The following TULP4 variants were observed in gnomAD, a reference collection of about 807,000 sequenced individuals.
TULP4 encodes TUB like protein 4.
In TULP4, 16 loss-of-function variants were observed where a neutral mutation model predicts 129.0. That is an observed-to-expected ratio of 0.12 (90% confidence interval 0.08 to 0.19). TULP4 has a LOEUF of 0.19. Ranked by LOEUF, TULP4 falls within the 10% of genes least tolerant of loss-of-function variation. The pLI, the probability that TULP4 is intolerant of heterozygous loss-of-function variation, is 1.00. For missense variants in TULP4, 1,842 were observed against 2,059.1 expected, an observed-to-expected ratio of 0.89 and a Z score of 2.04; for synonymous variants, 998 against 854.0, an observed-to-expected ratio of 1.17 and a Z score of -2.94.
intron 1 of TULP4, among the ~76,000 whole-genome samples, chr6:158,374,642 TTTA>T (rs1777146198): frequency 6.6e-6 from 1 of 152,186 alleles, no homozygotes; most frequent in Non-Finnish European, 1.5e-5. Context: ...GACAAAGCTG[TTTA>T]TAAGAGCAGT....
chr6:158,357,633 A>G (rs1426554180), intron 1 of TULP4, among the ~76,000 whole-genome samples: 2 of 152,222 alleles, frequency 1.3e-5, no homozygotes, highest in African/African-American at 4.8e-5. Context: ...ATACCCAGAA[A>G]GGGAATCGTC....
At chr6:158,241,878 C>T (rs1562491779) in intron 1 of TULP4, 6 of 705,038 alleles carry the variant, frequency 8.5e-6, no homozygotes, top group African/African-American at 3.5e-5. Context: ...CAGGCATGAG[C>T]CACCGCGCCA....
intron 1 of TULP4, among the ~76,000 whole-genome samples, chr6:158,291,182 CTTCT>C (rs1338680666): frequency 6.6e-6 from 1 of 152,130 alleles, no homozygotes; most frequent in Admixed American, 6.5e-5. Flanking sequence ...TTAGACCTTC[CTTCT>C]GAGACATTTT....
intron 3 of TULP4, among the ~76,000 whole-genome samples, chr6:158,442,997 T>G (rs1310112045): frequency 6.6e-6 from 1 of 151,748 alleles, no homozygotes; most frequent in Admixed American, 6.6e-5. Context: ...TGTTTGTTTG[T>G]TTTTTGAGAT....
chr6:158,280,361 T>C (rs1362933705), upstream of TULP4, among the ~76,000 whole-genome samples: 1 of 152,244 alleles, frequency 6.6e-6, no homozygotes. Flanking sequence ...TTTTCCTCCC[T>C]GGTTATTTAA....
rs146958708 is a variant in TULP4 at position 158,448,026 on chromosome 6, C to T, written c.544-970C>T. On this transcript the variant is annotated intron_variant, in intron 3 of 13. Transcript: ENST00000367097. ...GTCCTGCTGCCCAGGACCCAAGATT[C>T]CTCTCAGGATGTCCCACTGGTGGCA... is the stretch of plus-strand genomic sequence containing the variant. Among the ~76,000 whole-genome samples, 71 of 152,306 alleles carry T rather than the reference C, an allele frequency of 4.7e-4. No homozygotes were observed. In the East Asian group the frequency reaches 9.8e-3, roughly 21 times the overall value.
At chr6:158,241,548 C>G (rs1197316484) in intron 1 of TULP4, among the ~76,000 whole-genome samples, 2 of 152,114 alleles carry the variant, frequency 1.3e-5, no homozygotes, top group Admixed American at 6.5e-5. Context: ...CTGGAGACCG[C>G]CCGGCCAATA....
At chr6:158,485,906 T>C (rs1780054166) in intron 8 of TULP4, among the ~76,000 whole-genome samples, 1 of 152,250 alleles carries the variant, frequency 6.6e-6, no homozygotes, top group Admixed American at 6.5e-5. Context: ...AGCACATAAC[T>C]TCTCTAGTTT....
chr6:158,264,091 G>T (rs1355438752), intron 1 of TULP4, among the ~76,000 whole-genome samples: 1 of 152,006 alleles, frequency 6.6e-6, no homozygotes, highest in East Asian at 1.9e-4. Flanking sequence ...CAAAAAGCCA[G>T]AATAAAGAAA....
At chr6:158,374,115 T>A (rs1381762517) in intron 1 of TULP4, among the ~76,000 whole-genome samples, 1 of 152,066 alleles carries the variant, frequency 6.6e-6, no homozygotes, top group African/African-American at 2.4e-5. Flanking sequence ...CCTGCTCAGA[T>A]GCAGATATTC....
rs541286725 is a variant in TULP4 at position 158,471,064 on chromosome 6, T to C, written c.1027-8687T>C. ...GCAAGGGACAAGAGCCCAGTGCAAG[T>C]TGGAAGATGTGGGTTTGAGGGCAGT... On this transcript the variant is annotated intron_variant, in intron 6 of 13. Transcript: ENST00000367097. 2.0e-5 allele frequency among the ~76,000 whole-genome samples: 3 copies of C among 152,026 alleles called. No homozygotes were observed. In the East Asian group the frequency reaches 5.8e-4, roughly 29 times the overall value.
chr6:158,389,178 G>A (rs1364309439), intron 1 of TULP4, among the ~76,000 whole-genome samples: 1 of 152,230 alleles, frequency 6.6e-6, no homozygotes, highest in Admixed American at 6.5e-5. Context: ...CACCAGGTAT[G>A]GTGGCTCATG....
intron 3 of TULP4, among the ~76,000 whole-genome samples, chr6:158,439,731 A>G (rs1327236056): frequency 8.0e-5 from 2 of 24,994 alleles, no homozygotes; most frequent in East Asian, 1.3e-3. Flanking sequence ...TTTTTTTTTG[A>G]GACGGAGTCT....
At chr6:158,495,407 A>T (rs1373777871) in intron 11 of TULP4, among the ~76,000 whole-genome samples, 1 of 152,216 alleles carries the variant, frequency 6.6e-6, no homozygotes, top group Non-Finnish European at 1.5e-5. Flanking sequence ...AACAATAGAA[A>T]TATTAAAATG....
chr6:158,251,221 A>G (rs1295194120), intron 1 of TULP4, among the ~76,000 whole-genome samples: 1 of 152,156 alleles, frequency 6.6e-6, no homozygotes. Flanking sequence ...ATTTTATAGC[A>G]TGGGTTTATC....
chr6:158,445,199 A>G (rs1281571145), intron 3 of TULP4, among the ~76,000 whole-genome samples: 1 of 152,190 alleles, frequency 6.6e-6, no homozygotes. Context: ...TTGAATTAGT[A>G]TGACTTGACC....
intron 1 of TULP4, among the ~76,000 whole-genome samples, chr6:158,385,535 G>A (rs567072196): frequency 2.0e-5 from 3 of 152,082 alleles, no homozygotes; most frequent in Non-Finnish European, 2.9e-5. Flanking sequence ...CTTCGGTGAA[G>A]TGGTGATACT....
At chr6:158,280,183 T>TA (rs1409160898), upstream of TULP4, among the ~76,000 whole-genome samples, 1 of 152,216 alleles carries the variant, frequency 6.6e-6, no homozygotes, top group African/African-American at 2.4e-5. Context: ...GCATTAATCT[T>TA]ACCATGGTAG....
At chr6:158,421,010 G>A (rs192727596) in intron 2 of TULP4, among the ~76,000 whole-genome samples, 16 of 152,228 alleles carry the variant, frequency 1.1e-4, no homozygotes, top group Admixed American at 8.5e-4. Context: ...TGGTCGGGCC[G>A]CAGTTTGGTT....
Sources: gnomAD v4.1 joint callset for allele counts (sites outside exome capture counted in the v4.1 genomes callset) on GRCh38, gnomAD v4.1.1 for gene constraint, MANE v1.5 for transcripts, NCBI Gene and HGNC (gene_info 2026-07-23, HGNC 2026-07-21) for gene names.